GNAL: variants seen among roughly 807,000 people sequenced by gnomAD.
GNAL encodes the protein G protein subunit alpha L, also known as guanine nucleotide-binding protein G(olf) subunit alpha.
A neutral mutation model predicts 55.1 loss-of-function variants in GNAL; 18 were observed. The observed-to-expected ratio is 0.33, with a 90% CI of 0.23 to 0.48. The LOEUF is 0.48. Among genes scored for constraint, GNAL ranks in the 20% least tolerant of loss-of-function variants. The pLI is 0.99. For synonymous variants in GNAL, 253 were observed against 237.0 expected, an observed-to-expected ratio of 1.07 and a Z score of -0.62; for missense variants, 412 against 614.1, an observed-to-expected ratio of 0.67 and a Z score of 3.48.
At chr18:11,746,274 C>G (rs2032685809) in intron 1 of GNAL, 1 of 382,792 alleles carries the variant, frequency 2.6e-6, no homozygotes, top group Non-Finnish European at 5.1e-6. Flanking sequence ...GAGACAGAAA[C>G]TTTGAAGAGC....
At chr18:11,876,747 C>T (rs1430665851) in intron 11 of GNAL, 59 bp downstream of exon 11, 2 of 926,914 alleles carry the variant, frequency 2.2e-6, no homozygotes, top group Middle Eastern at 2.1e-4. Flanking sequence ...TTGTTTCTTA[C>T]AATATGCAAA....
At chr18:11,797,733 T>C (rs2034427180) in intron 4 of GNAL, among the ~76,000 whole-genome samples, 1 of 147,384 alleles carries the variant, frequency 6.8e-6, no homozygotes, top group Non-Finnish European at 1.5e-5. Flanking sequence ...CACTCCCCTT[T>C]GGGTGACAGA....
intron 4 of GNAL, among the ~76,000 whole-genome samples, chr18:11,759,915 A>G (rs990891279): frequency 2.0e-5 from 3 of 151,816 alleles, no homozygotes; most frequent in Non-Finnish European, 4.4e-5. Context: ...TTAACCAACC[A>G]AGCTGAAGCC....
At chr18:11,840,776 G>A (rs1205461014) in intron 5 of GNAL, among the ~76,000 whole-genome samples, 1 of 152,142 alleles carries the variant, frequency 6.6e-6, no homozygotes, top group South Asian at 2.1e-4. Flanking sequence ...GGAAGCACCC[G>A]GAGGCCTCCA....
intron 5 of GNAL, among the ~76,000 whole-genome samples, chr18:11,844,017 TAC>T (rs967577771): frequency 6.6e-6 from 1 of 152,164 alleles, no homozygotes; most frequent in African/African-American, 2.4e-5. Flanking sequence ...AAAGTTTAAT[TAC>T]AGTTATTCCT....
chr18:11,696,880 A>C (rs2031429324), intron 1 of GNAL, among the ~76,000 whole-genome samples: 1 of 152,156 alleles, frequency 6.6e-6, no homozygotes, highest in Non-Finnish European at 1.5e-5. Flanking sequence ...CCTGTGACCC[A>C]CTAAAAGATG....
intron 4 of GNAL, among the ~76,000 whole-genome samples, chr18:11,769,511 C>T (rs554889764): frequency 1.3e-5 from 2 of 152,146 alleles, no homozygotes; most frequent in South Asian, 2.1e-4. Flanking sequence ...CAAGAATGAG[C>T]CCTTGGTCTA....
chr18:11,838,025 G>C (rs568992726), intron 5 of GNAL, among the ~76,000 whole-genome samples: 51 of 152,192 alleles, frequency 3.4e-4, no homozygotes, highest in African/African-American at 1.1e-3. Flanking sequence ...CAGCTACTTG[G>C]GGGGCCGAGG....
intron 1 of GNAL, chr18:11,745,976 A>G (rs994150356): frequency 4.4e-5 from 12 of 271,296 alleles, no homozygotes; most frequent in Non-Finnish European, 8.2e-5. Flanking sequence ...AGATACTGCC[A>G]ATAAGAAAGT....
At chr18:11,878,140 G>A (rs1316359534) in intron 11 of GNAL, among the ~76,000 whole-genome samples, 2 of 152,186 alleles carry the variant, frequency 1.3e-5, no homozygotes, top group African/African-American at 4.8e-5. Flanking sequence ...GCATATGTTG[G>A]GCATTTAAAT....
chr18:11,872,201 T>TTTATG, intron 9 of GNAL, 67 bp from the exon 10 acceptor site: 2 of 1,043,064 alleles, frequency 1.9e-6, no homozygotes, highest in Non-Finnish European at 2.8e-6. Context: ...TTTAGCAACT[T>TTTATG]CTATGTTAGA....
Position 11,758,266 on chromosome 18 carries a change from G to GTTA in GNAL, c.624+4322_624+4324dup, listed in dbSNP as rs538029306. Among the ~76,000 whole-genome samples, 542 of 152,312 alleles carry GTTA rather than the reference G, an allele frequency of 3.6e-3. 4 individuals are homozygous for GTTA. The highest frequency in any genetic ancestry group is 0.012 in the African/African-American group (515 of 41,564). On this transcript the variant is annotated intron_variant, in intron 4 of 11. Coordinates refer to ENST00000334049, the MANE Select transcript of GNAL (RefSeq NM_182978.4). The stretch of plus-strand genomic sequence containing the variant: ...GTGGCAGAGAGGTGAGGGAGGGCTT[G>GTTA]TTAGCAAAGGCTTTTCAAGCAAATT...
intron 4 of GNAL, among the ~76,000 whole-genome samples, chr18:11,754,691 G>A (rs1332781864): frequency 6.6e-6 from 1 of 152,196 alleles, no homozygotes; most frequent in Non-Finnish European, 1.5e-5. Flanking sequence ...ACAGCCTTCA[G>A]ATCAATTGAG....
chr18:11,818,661 AGTT>A (rs1313666693), intron 4 of GNAL, among the ~76,000 whole-genome samples: 1 of 152,204 alleles, frequency 6.6e-6, no homozygotes, highest in Non-Finnish European at 1.5e-5. Context: ...ACCGCAGTGA[AGTT>A]ACTGCTCAGT....
At chr18:11,757,487 G>A (rs1321576419) in intron 4 of GNAL, among the ~76,000 whole-genome samples, 4 of 152,176 alleles carry the variant, frequency 2.6e-5, no homozygotes, top group African/African-American at 9.7e-5. Flanking sequence ...AAGGTAATGG[G>A]AGAGCTTGCA....
intron 1 of GNAL, among the ~76,000 whole-genome samples, chr18:11,748,168 T>C (rs1350917903): frequency 1.3e-5 from 2 of 152,200 alleles, no homozygotes; most frequent in Admixed American, 1.3e-4. Flanking sequence ...TACCTGAAAA[T>C]AGGCTAAGAT....
intron 4 of GNAL, among the ~76,000 whole-genome samples, chr18:11,811,176 G>A (rs575144092): frequency 7.9e-5 from 12 of 152,140 alleles, no homozygotes; most frequent in East Asian, 5.8e-4. Flanking sequence ...ACCCAAAGCC[G>A]CCAAAGGAGC....
chr18:11,877,403 C>G (rs1056952593), intron 11 of GNAL, among the ~76,000 whole-genome samples: 3 of 152,050 alleles, frequency 2.0e-5, no homozygotes, highest in Non-Finnish European at 4.4e-5. Flanking sequence ...TGCGGTGAGC[C>G]GAGACCACAC....
chr18:11,718,887 TGTC>T (rs2032032232), intron 1 of GNAL, among the ~76,000 whole-genome samples: 1 of 152,342 alleles, frequency 6.6e-6, no homozygotes, highest in Non-Finnish European at 1.5e-5. Flanking sequence ...GGTCTCAAAA[TGTC>T]ATGATGAATA....
Sources: allele counts gnomAD v4.1 joint callset (sites outside exome capture counted in the v4.1 genomes callset), GRCh38; gene constraint gnomAD v4.1.1; transcripts MANE v1.5; gene names NCBI Gene and HGNC (gene_info 2026-07-23, HGNC 2026-07-21).